Variants in SLC17A5 observed in about 807,000 individuals in gnomAD.
SLC17A5 encodes the protein solute carrier family 17 member 5.
Under a neutral mutation model 59.4 loss-of-function variants are expected in SLC17A5, and 47 were observed. The ratio of observed to expected loss-of-function variants is 0.79; its 90% CI spans 0.63 to 1.01. The LOEUF (loss-of-function observed/expected upper bound fraction) is 1.01, where lower values mean the gene tolerates loss of function less well. Among genes scored for constraint, SLC17A5 ranks in the 50% least tolerant of loss-of-function variants. The probability of loss-of-function intolerance (pLI) is 0.00; values close to 1 mark genes in which losing one functional copy is unlikely to be tolerated. For synonymous variants in SLC17A5, 202 were observed against 210.7 expected, an observed-to-expected ratio of 0.96 and a Z score of 0.36; for missense variants, 522 against 595.5, an observed-to-expected ratio of 0.88 and a Z score of 1.28.
chr6:73,644,534 G>A lies in SLC17A5; in HGVS notation c.164C>T (p.Ala55Val). 4 of 1,614,002 alleles carry A rather than the reference G, an allele frequency of 2.5e-6. No homozygotes were observed. Among genetic ancestry groups the A allele is most frequent in the Non-Finnish European group, 3.4e-6 (4 of 1,179,928 alleles). The part of the protein sequence containing the change: ...LAFFGFFIVY[A>V]LRVNLSVALV... ...CGCAACACTCAGATTCACACGTAAT[G>A]CATACACAATGAAGAAACCAAAAAA... Residue 55 changes from alanine to valine, a missense_variant, in exon 2 of 11, where the codon GCA becomes GTA. Around this residue, in one of 3 missense-constraint regions of SLC17A5, gnomAD observed 338 missense variants for 363.8 expected, o/e 0.93. Transcript: ENST00000355773.
At chr6:73,639,833 G>A (rs1769195346) in intron 3 of SLC17A5, among the ~76,000 whole-genome samples, 1 of 152,120 alleles carries the variant, frequency 6.6e-6, no homozygotes, top group South Asian at 2.1e-4. Context: ...ATCACTTGAT[G>A]CCAGAAGTTC....
chr6:73,651,643 C>T (rs1050314345), intron 1 of SLC17A5, among the ~76,000 whole-genome samples: 2 of 151,156 alleles, frequency 1.3e-5, no homozygotes, highest in Non-Finnish European at 2.9e-5. Flanking sequence ...CCCAGGTTCA[C>T]GCCATTCTCC....
At chr6:73,623,237 C>G (rs1703466) in intron 6 of SLC17A5, among the ~76,000 whole-genome samples, 1 of 152,022 alleles carries the variant, frequency 6.6e-6, no homozygotes, top group African/African-American at 2.4e-5. Context: ...CAAGGTTTCA[C>G]TATGTTGCCC....
Position 73,653,776 on chromosome 6 carries a change from A to G in SLC17A5, c.94+17T>C. On this transcript the variant is annotated intron_variant, in intron 1 of 10. Transcript: ENST00000355773. ...ACCGCTGCCCACTCGAAGCCCCTGG[A>G]CGACCCCGCCGCTTACCGGCTTCGG... The G allele has an allele frequency of 6.4e-7, 1 of 1,566,312 alleles. No individual in the cohort carries two copies. Among genetic ancestry groups the G allele is most frequent in the Non-Finnish European group, 8.7e-7 (1 of 1,155,798 alleles).
At chr6:73,618,570 A>T (rs1767984232) in intron 7 of SLC17A5, 1 of 522,634 alleles carries the variant, frequency 1.9e-6, no homozygotes, top group Non-Finnish European at 3.7e-6. Flanking sequence ...TTATGGAAGG[A>T]TGTTCCTTCA....
At chr6:73,632,024 T>G (rs570253683) in intron 6 of SLC17A5, among the ~76,000 whole-genome samples, 49 of 150,164 alleles carry the variant, frequency 3.3e-4, no homozygotes, top group Admixed American at 9.3e-4. Context: ...TGCAGTCTGG[T>G]TGTACAAGGT....
intron 2 of SLC17A5, among the ~76,000 whole-genome samples, chr6:73,643,013 C>A (rs1440656520): frequency 6.6e-6 from 1 of 151,922 alleles, no homozygotes; most frequent in Non-Finnish European, 1.5e-5. Context: ...TAAAGATTTT[C>A]GGAGAGATTT....
At position 73,645,428 on chromosome 6, in the gene SLC17A5, C is replaced by T. The variant is rs554352598; in HGVS notation, c.95-825G>A. 21 of 985,040 alleles carry T rather than the reference C, an allele frequency of 2.1e-5. No homozygotes were observed. In the East Asian group the frequency reaches 2.0e-3, roughly 96 times the overall value. 61.0% of individuals were successfully genotyped at this position (985,040 alleles called of 1,614,324 possible). ...AGTTGCAGCATCTGTGACAGTTGCTCAGTAGTTATCAAGCGTAAAGGGCTC... is the reference window on the plus strand; with the variant it reads ...AGTTGCAGCATCTGTGACAGTTGCTTAGTAGTTATCAAGCGTAAAGGGCTC... On this transcript the variant is annotated intron_variant, in intron 1 of 10. Transcript: ENST00000355773.
At chr6:73,610,038 GTT>G (rs755622577) in intron 9 of SLC17A5, among the ~76,000 whole-genome samples, 1 of 144,956 alleles carries the variant, frequency 6.9e-6, no homozygotes. Flanking sequence ...ATTTTATCAG[GTT>G]TTTTTTTTTT....
At chr6:73,653,580 C>T (rs1373804678) in intron 1 of SLC17A5, 4 of 783,022 alleles carry the variant, frequency 5.1e-6, no homozygotes, top group Middle Eastern at 6.6e-4. Flanking sequence ...CGATCACGGT[C>T]GCGGCCCCCG....
In SLC17A5 at chr6:73,644,506, T is replaced by C; in HGVS notation, c.192A>G (p.Leu64=). Residue 64 remains leucine (L), a synonymous_variant, in exon 2 of 11, where the codon TTA becomes TTG. Transcript: ENST00000355773. ...TTGTATTTGAATCTACCATATCCAC[T>C]AACGCAACACTCAGATTCACACGTA... ...YALRVNLSVA[L]VDMVDSNTTL... 2 of 1,613,878 alleles carry C rather than the reference T, an allele frequency of 1.2e-6. No homozygotes were observed.
intron 7 of SLC17A5, among the ~76,000 whole-genome samples, chr6:73,617,571 C>T (rs545617799): frequency 5.7e-4 from 87 of 152,298 alleles, no homozygotes; most frequent in Non-Finnish European, 1.1e-3. Context: ...CGGCTAGGCA[C>T]GGTGGCTCAT....
chr6:73,642,392 T>C (rs1228561942), intron 2 of SLC17A5, among the ~76,000 whole-genome samples: 1 of 152,246 alleles, frequency 6.6e-6, no homozygotes, highest in East Asian at 1.9e-4. Flanking sequence ...GGCTTGGTTT[T>C]AATCCTAGCT....
chr6:73,608,554 A>C (rs1767500519), intron 9 of SLC17A5, among the ~76,000 whole-genome samples: 1 of 152,202 alleles, frequency 6.6e-6, no homozygotes, highest in African/African-American at 2.4e-5. Context: ...TTATTTCTGG[A>C]TACAATTAAG....
In SLC17A5 at chr6:73,599,785, G is replaced by T. The variant is rs1256361359; in HGVS notation, c.1350+566C>A. Among the ~76,000 whole-genome samples, 3 of 149,228 alleles carry T rather than the reference G, an allele frequency of 2.0e-5. No homozygotes were observed. The Admixed American group carries it at 2.0e-4, about 10-fold the overall frequency. On this transcript the variant is annotated intron_variant, in intron 10 of 10. Transcript: ENST00000355773. Reference sequence around the variant, plus strand: ...AGTATATTTGGTAATAAGAAAGTCTGTAAGTATGTCCTGAAATTCTTTTTT... The same window carrying T: ...AGTATATTTGGTAATAAGAAAGTCTTTAAGTATGTCCTGAAATTCTTTTTT...
chr6:73,601,804 G>C (rs1332841665), intron 9 of SLC17A5, among the ~76,000 whole-genome samples: 1 of 141,166 alleles, frequency 7.1e-6, no homozygotes, highest in Non-Finnish European at 1.6e-5. Flanking sequence ...CGCTCCGTCC[G>C]GGAGGGAGGT....
At chr6:73,616,115 A>C (rs141207012) in intron 7 of SLC17A5, among the ~76,000 whole-genome samples, 2,179 of 151,974 alleles carry the variant, frequency 0.014, 65 homozygotes, top group African/African-American at 0.05. Context: ...TGAACTTCTG[A>C]CCTTGTGATC....
intron 10 of SLC17A5, among the ~76,000 whole-genome samples, 177 bp from the exon 11 acceptor site, chr6:73,595,391 C>T (rs1766748434): frequency 1.3e-5 from 2 of 152,178 alleles, no homozygotes; most frequent in African/African-American, 4.8e-5. Context: ...CAACGTAATA[C>T]AATACAGCAA....
chr6:73,631,587 G>A (rs527902441), intron 6 of SLC17A5, among the ~76,000 whole-genome samples: 65 of 151,930 alleles, frequency 4.3e-4, no homozygotes, highest in Admixed American at 1.0e-3. Flanking sequence ...TCACTGCAAC[G>A]AACCAAGAAA....
Sources: allele counts gnomAD v4.1 joint callset (sites outside exome capture counted in the v4.1 genomes callset), GRCh38; gene constraint gnomAD v4.1.1; regional missense constraint gnomAD v4.1.1; transcripts MANE v1.5; gene names NCBI Gene and HGNC (gene_info 2026-07-23, HGNC 2026-07-21).